Variants in KIF26B observed in about 807,000 individuals in gnomAD.
KIF26B encodes kinesin-like protein KIF26B.
Under a neutral mutation model 151.2 loss-of-function variants are expected in KIF26B, and 63 were observed. That is an observed-to-expected ratio of 0.42 (90% CI 0.34 to 0.51). The LOEUF (loss-of-function observed/expected upper bound fraction) is 0.51, where lower values mean the gene tolerates loss of function less well. Ranked by LOEUF, KIF26B falls within the 20% of genes least tolerant of loss-of-function variation. The pLI, the probability that KIF26B is intolerant of heterozygous loss-of-function variation, is 0.07. For synonymous variants in KIF26B, 1,357 were observed against 1,262.1 expected (o/e 1.08, Z -1.59); for missense variants, 2,813 against 2,913.6 (o/e 0.97, Z 0.79).
At chr1:245,571,224 G>A (rs943591983) in intron 5 of KIF26B, among the ~76,000 whole-genome samples, 12 of 152,174 alleles carry the variant, frequency 7.9e-5, no homozygotes, top group Admixed American at 5.9e-4. Flanking sequence ...TGGGAGTTGC[G>A]TTGCTTGATG....
intron 2 of KIF26B, among the ~76,000 whole-genome samples, chr1:245,256,289 C>T (rs769226524): frequency 3.3e-5 from 5 of 152,160 alleles, no homozygotes; most frequent in Admixed American, 1.3e-4. Context: ...GTTGACTTTA[C>T]GTAACCTGGG....
intron 10 of KIF26B, among the ~76,000 whole-genome samples, chr1:245,669,567 C>A (rs145031852): frequency 6.6e-6 from 1 of 152,076 alleles, no homozygotes; most frequent in Admixed American, 6.5e-5. Flanking sequence ...CCAAGGAGCA[C>A]GTGAAAAGAT....
At chr1:245,265,082 G>A (rs1175503186) in intron 2 of KIF26B, among the ~76,000 whole-genome samples, 1 of 151,562 alleles carries the variant, frequency 6.6e-6, no homozygotes, top group Non-Finnish European at 1.5e-5. Flanking sequence ...GGCGCCTGTA[G>A]TCCCAGGTAC....
At chr1:245,584,683 T>G (rs188675892) in intron 5 of KIF26B, among the ~76,000 whole-genome samples, 31 of 152,346 alleles carry the variant, frequency 2.0e-4, no homozygotes, top group Admixed American at 1.1e-3. Flanking sequence ...TTGGTTTGGA[T>G]TCTATCGCGG....
At chr1:245,616,184 A>C (rs1352083427) in intron 9 of KIF26B, among the ~76,000 whole-genome samples, 1 of 152,262 alleles carries the variant, frequency 6.6e-6, no homozygotes, top group Non-Finnish European at 1.5e-5. Flanking sequence ...TTCCAGTCAA[A>C]ATAGAAAAGT....
At chr1:245,399,158 G>A (rs1433054459) in intron 3 of KIF26B, among the ~76,000 whole-genome samples, 3 of 152,110 alleles carry the variant, frequency 2.0e-5, no homozygotes, top group Non-Finnish European at 2.9e-5. Context: ...TTTCGTTGTC[G>A]TGTCTCTTTT....
At chr1:245,422,879 ACTAGAGAC>A (rs1474758488) in intron 4 of KIF26B, among the ~76,000 whole-genome samples, 2 of 152,132 alleles carry the variant, frequency 1.3e-5, no homozygotes, top group African/African-American at 4.8e-5. Flanking sequence ...TGGGTGGATC[ACTAGAGAC>A]CAGGAGTTCA....
intron 4 of KIF26B, among the ~76,000 whole-genome samples, chr1:245,514,430 G>A (rs900516993): frequency 6.6e-6 from 1 of 152,080 alleles, no homozygotes; most frequent in Non-Finnish European, 1.5e-5. Flanking sequence ...TCAGGAGGCT[G>A]AGGCAGGAGA....
chr1:245,165,611 C>T (rs1440041937), intron 2 of KIF26B, among the ~76,000 whole-genome samples: 1 of 152,090 alleles, frequency 6.6e-6, no homozygotes, highest in Non-Finnish European at 1.5e-5. Flanking sequence ...GACAGCTGAA[C>T]ATGAAGTGGT....
intron 2 of KIF26B, among the ~76,000 whole-genome samples, chr1:245,212,649 G>A (rs1366711805): frequency 2.0e-5 from 3 of 149,676 alleles, no homozygotes; most frequent in African/African-American, 4.9e-5. Context: ...TGAGTTCAGC[G>A]AGTTTCCCCT....
chr1:245,521,939 G>T (rs185501027), intron 4 of KIF26B, among the ~76,000 whole-genome samples: 1 of 150,294 alleles, frequency 6.7e-6, no homozygotes, highest in East Asian at 1.9e-4. Context: ...GTGCGATCTC[G>T]GCTCACTGCA....
intron 2 of KIF26B, among the ~76,000 whole-genome samples, chr1:245,319,506 G>T (rs558486538): frequency 7.4e-6 from 1 of 134,316 alleles, no homozygotes; most frequent in African/African-American, 3.4e-5. Context: ...TAATTACTAC[G>T]CCAAGTTTTT....
At chr1:245,502,775 C>G (rs1451282735) in intron 4 of KIF26B, among the ~76,000 whole-genome samples, 2 of 151,712 alleles carry the variant, frequency 1.3e-5, no homozygotes, top group East Asian at 3.9e-4. Flanking sequence ...GGTTAAAGAA[C>G]ATCAGTGGGT....
intron 3 of KIF26B, among the ~76,000 whole-genome samples, chr1:245,410,853 A>G (rs1674262583): frequency 6.6e-6 from 1 of 152,118 alleles, no homozygotes; most frequent in Non-Finnish European, 1.5e-5. Flanking sequence ...AACCATCACC[A>G]CCATCTACCA....
chr1:245,466,219 C>A (rs995076147), intron 4 of KIF26B, among the ~76,000 whole-genome samples: 1 of 151,788 alleles, frequency 6.6e-6, no homozygotes, highest in African/African-American at 2.4e-5. Flanking sequence ...TTGTTTCCCT[C>A]CTGATAAAAA....
chr1:245,662,717 T>TACACACACAC (rs1161056130), intron 10 of KIF26B, among the ~76,000 whole-genome samples: 2 of 78,356 alleles, frequency 2.6e-5, no homozygotes, highest in Non-Finnish European at 2.6e-5. Flanking sequence ...ATGATACATA[T>TACACACACAC]ACACACACAC....
In KIF26B at chr1:245,167,952, A is replaced by G. The variant is rs996995885; in HGVS notation, c.465+11269A>G. Among the ~76,000 whole-genome samples the G allele has an allele frequency of 1.3e-5, 2 of 152,194 alleles. No homozygotes were observed. The highest frequency in any genetic ancestry group is 4.8e-5 in the African/African-American group (2 of 41,442). On this transcript the variant is annotated intron_variant, in intron 2 of 14. Coordinates refer to ENST00000407071, the MANE Select transcript of KIF26B (RefSeq NM_018012.4). The surrounding 1 kb of genome is among the most constrained non-coding windows in gnomAD (Gnocchi z 4.2). ...CATCCAAGGTTGTCTACAATCCCAGATATTTAGGTGAAAAAGGACTGTCCT... is the reference window on the plus strand; with the variant it reads ...CATCCAAGGTTGTCTACAATCCCAGGTATTTAGGTGAAAAAGGACTGTCCT...
rs369604504 is a variant in KIF26B at position 245,155,394 on chromosome 1, C to T, written c.-31C>T. ...CCTTCTGGATGTAGCGTCGGTGGAA[C>T]CTTTAGATACTCTCCTCTGGAAAAG... On this transcript the variant is annotated 5_prime_UTR_variant, in exon 1 of 15. Coordinates refer to ENST00000407071, the MANE Select transcript of KIF26B (RefSeq NM_018012.4). 65 of 1,584,460 alleles carry T rather than the reference C, an allele frequency of 4.1e-5. No homozygotes were observed. Among genetic ancestry groups the T allele is most frequent in the Non-Finnish European group, 5.2e-5 (60 of 1,159,980 alleles).
intron 2 of KIF26B, among the ~76,000 whole-genome samples, chr1:245,356,381 C>T (rs1162720875): frequency 6.6e-6 from 1 of 152,014 alleles, no homozygotes; most frequent in Non-Finnish European, 1.5e-5. Flanking sequence ...CATGGTGAAA[C>T]TCCGTCTCTA....
Sources: allele counts gnomAD v4.1 joint callset (sites outside exome capture counted in the v4.1 genomes callset), GRCh38; gene constraint gnomAD v4.1.1; non-coding constraint Gnocchi (gnomAD v3.1); transcripts MANE v1.5; gene names NCBI Gene and HGNC (gene_info 2026-07-23, HGNC 2026-07-21).